Variants in FKBP3 observed in about 807,000 individuals in gnomAD.
FKBP3 encodes the protein peptidyl-prolyl cis-trans isomerase FKBP3.
Under a neutral mutation model 30.6 loss-of-function variants are expected in FKBP3, and 21 were observed. The observed-to-expected ratio is 0.69, with a 90% CI of 0.49 to 0.99. The LOEUF (loss-of-function observed/expected upper bound fraction) is 0.99, where lower values mean the gene tolerates loss of function less well. Among genes scored for constraint, FKBP3 ranks in the 50% least tolerant of loss-of-function variants. The pLI is 0.00. For missense variants in FKBP3, 283 were observed against 261.6 expected, an observed-to-expected ratio of 1.08 and a Z score of -0.56; for synonymous variants, 82 against 91.3, an observed-to-expected ratio of 0.90 and a Z score of 0.58.
chr14:45,125,943 A>AGGT (rs200370967), intron 3 of FKBP3, among the ~76,000 whole-genome samples: 3,136 of 151,934 alleles, frequency 0.021, 114 homozygotes, highest in African/African-American at 0.072. Context: ...TCTGCCACCT[A>AGGT]GGCAGTGCAG....
At chr14:45,117,955 C>CT (rs1884889525) in intron 6 of FKBP3, 73 bp downstream of exon 6, 2 of 1,108,888 alleles carry the variant, frequency 1.8e-6, no homozygotes, top group Admixed American at 2.2e-5. Flanking sequence ...TAGACAGCAT[C>CT]TTTCACATCC....
At chr14:45,120,042 GTTT>G (rs1269451556) in intron 5 of FKBP3, among the ~76,000 whole-genome samples, 1 of 152,106 alleles carries the variant, frequency 6.6e-6, no homozygotes, top group Non-Finnish European at 1.5e-5. Flanking sequence ...GTTTTAAGAT[GTTT>G]TATATTCTGT....
At chr14:45,124,556 T>TATA (rs551268818) in intron 3 of FKBP3, among the ~76,000 whole-genome samples, 1 of 149,900 alleles carries the variant, frequency 6.7e-6, no homozygotes, top group Middle Eastern at 3.4e-3. Context: ...TATATATATA[T>TATA]TTTTTTTTCT....
At chr14:45,118,375 A>C (rs927683644) in intron 5 of FKBP3, among the ~76,000 whole-genome samples, 1 of 152,154 alleles carries the variant, frequency 6.6e-6, no homozygotes, top group Non-Finnish European at 1.5e-5. Context: ...CATACCTATA[A>C]TCCCAGCACT....
chr14:45,134,190 A>T (rs1885308949), intron 1 of FKBP3, among the ~76,000 whole-genome samples, 159 bp downstream of exon 1: 2 of 152,212 alleles, frequency 1.3e-5, no homozygotes, highest in South Asian at 4.1e-4. Flanking sequence ...GGCGGGAGCG[A>T]GGCACCAAAG....
intron 3 of FKBP3, among the ~76,000 whole-genome samples, chr14:45,129,490 T>C (rs1885169284): frequency 6.6e-6 from 1 of 152,214 alleles, no homozygotes; most frequent in African/African-American, 2.4e-5. Context: ...CCAACTTGGC[T>C]ATAGAATCAA....
In FKBP3 at chr14:45,116,412, C is replaced by T. The variant is rs971250956; in HGVS notation, c.621-160G>A. 3.3e-5 allele frequency: 18 copies of T among 548,602 alleles called. No individual in the cohort carries two copies. In the Admixed American group the frequency reaches 4.1e-4, roughly 13 times the overall value. The allele number at this position is 548,602 out of a possible 1,614,324, so 34.0% of individuals were successfully genotyped here. On this transcript the variant is annotated intron_variant, in intron 6 of 6. Coordinates refer to ENST00000396062, the MANE Select transcript of FKBP3 (RefSeq NM_002013.4). ...TTTACAAGTACTCCTAAATTAGCCACCACTTAATGAAGACTATTAAGTACT... is the reference window on the plus strand; with the variant it reads ...TTTACAAGTACTCCTAAATTAGCCATCACTTAATGAAGACTATTAAGTACT...
At chr14:45,120,493 G>A (rs1311726195) in intron 5 of FKBP3, among the ~76,000 whole-genome samples, 1 of 152,142 alleles carries the variant, frequency 6.6e-6, no homozygotes, top group African/African-American at 2.4e-5. Flanking sequence ...CAAATTATAT[G>A]TAAATGGTAC....
At chr14:45,130,328 G>A (rs187376770) in intron 2 of FKBP3, among the ~76,000 whole-genome samples, 1 of 152,222 alleles carries the variant, frequency 6.6e-6, no homozygotes, top group Non-Finnish European at 1.5e-5. Flanking sequence ...TTAGTGAAAT[G>A]GAAACTTATT....
At chr14:45,121,008 A>G in intron 4 of FKBP3, 54 bp from the exon 5 acceptor site, 1 of 1,333,356 alleles carries the variant, frequency 7.5e-7, no homozygotes, top group Non-Finnish European at 1.1e-6. Context: ...TATTATTAAG[A>G]AATTTCCATT....
intron 3 of FKBP3, among the ~76,000 whole-genome samples, chr14:45,127,261 G>A (rs1181465195): frequency 1.3e-5 from 2 of 151,592 alleles, no homozygotes; most frequent in African/African-American, 2.4e-5. Flanking sequence ...TTACAGGTGT[G>A]CACCACCACA....
intron 3 of FKBP3, among the ~76,000 whole-genome samples, chr14:45,122,227 T>C (rs1885000532): frequency 6.6e-6 from 1 of 152,130 alleles, no homozygotes; most frequent in East Asian, 1.9e-4. Context: ...TAGCAATTCA[T>C]ATATGAGAGG....
In FKBP3 at chr14:45,120,970, T is replaced by C; in HGVS notation, c.455-16A>G. 2.5e-6 allele frequency: 4 copies of C among 1,597,996 alleles called. No homozygotes were observed. Among genetic ancestry groups the C allele is most frequent in the Non-Finnish European group, 2.6e-6 (3 of 1,166,688 alleles). ...TTCTTTGCACCTGTAAAACAGATTT[T>C]CCTTATCATTAATGATATACTCTAA... On this transcript the variant is annotated splice_polypyrimidine_tract_variant and intron_variant, in intron 4 of 6. Coordinates refer to ENST00000396062, the MANE Select transcript of FKBP3 (RefSeq NM_002013.4).
At chr14:45,119,483 C>T (rs569774089) in intron 5 of FKBP3, among the ~76,000 whole-genome samples, 5 of 151,818 alleles carry the variant, frequency 3.3e-5, no homozygotes, top group East Asian at 2.0e-4. Flanking sequence ...GCAGGAGAAT[C>T]GCTTGAACTC....
In FKBP3 at chr14:45,129,771, TAAAA is replaced by T; in HGVS notation, c.318+19_318+22del. The T allele has an allele frequency of 7.2e-7, 1 of 1,394,742 alleles. No individual in the cohort carries two copies. The highest frequency in any genetic ancestry group is 9.8e-7 in the Non-Finnish European group (1 of 1,019,422). The allele number at this position is 1,394,742 out of a possible 1,614,324, so 86.4% of individuals were successfully genotyped here. On this transcript the variant is annotated intron_variant, in intron 3 of 6. Transcript: ENST00000396062. ...AATTTCTAGACTCCACATGATAAAA[TAAAA>T]AAATAATTATATACAGACCTCATCC...
intron 1 of FKBP3, 24 bp downstream of exon 1, chr14:45,134,325 C>T (rs764753048): frequency 6.3e-7 from 1 of 1,577,360 alleles, no homozygotes; most frequent in East Asian, 2.2e-5. Context: ...CGCACCAGCC[C>T]GGCCGCCCCT....
chr14:45,130,904 A>C, intron 1 of FKBP3, 104 bp from the exon 2 acceptor site: 1 of 597,810 alleles, frequency 1.7e-6, no homozygotes, highest in Non-Finnish European at 2.9e-6. Flanking sequence ...TTTCAGTAGT[A>C]CTAGTACTGA....
intron 1 of FKBP3, 54 bp downstream of exon 1, chr14:45,134,295 G>C: frequency 7.3e-7 from 1 of 1,362,856 alleles, no homozygotes; most frequent in Admixed American, 1.7e-5. Context: ...CATCTCCAGG[G>C]GGGTGAGGCG....
At chr14:45,120,638 G>A (rs911106129) in intron 5 of FKBP3, among the ~76,000 whole-genome samples, 2 of 152,116 alleles carry the variant, frequency 1.3e-5, no homozygotes, top group Non-Finnish European at 2.9e-5. Context: ...ACTGTATTAG[G>A]TACTTCAAGT....
Sources: gnomAD v4.1 joint callset for allele counts (sites outside exome capture counted in the v4.1 genomes callset) on GRCh38, gnomAD v4.1.1 for gene constraint, MANE v1.5 for transcripts, NCBI Gene and HGNC (gene_info 2026-07-23, HGNC 2026-07-21) for gene names.